Variants in C12orf42 observed in about 807,000 individuals in gnomAD.
C12orf42 encodes the protein chromosome 12 open reading frame 42.
A neutral mutation model predicts 21.6 loss-of-function variants in C12orf42; 25 were observed. The ratio of observed to expected loss-of-function variants is 1.16; its 90% CI spans 0.84 to 1.62. The LOEUF (loss-of-function observed/expected upper bound fraction) is 1.62, where lower values mean the gene tolerates loss of function less well. Ranked by LOEUF, C12orf42 falls within the 40% of genes most tolerant of loss-of-function variation. The pLI is 0.00. For missense variants in C12orf42, 483 were observed against 459.3 expected (o/e 1.05, Z -0.47); for synonymous variants, 174 against 175.0 (o/e 0.99, Z 0.05).
chr12:103,159,078 C>T, the C12orf42 span, among the ~76,000 whole-genome samples: 1 of 152,102 alleles, frequency 6.6e-6, no homozygotes, highest in African/African-American at 2.4e-5. Context: ...CTCGACAGAA[C>T]TTTTAAACCC....
In C12orf42 at chr12:103,270,872, C is replaced by T. The variant is rs191363686; in HGVS notation, n.399-1019G>A. Among the ~76,000 whole-genome samples, 38 of 151,034 alleles carry T rather than the reference C, an allele frequency of 2.5e-4. 1 individual carries two copies. The highest frequency in any genetic ancestry group is 8.2e-4 in the African/African-American group (34 of 41,390). ...ATTGATAAAGGAGTTGTAATCTGTT[C>T]TCTCTTTATCAAAATATAACATGAT... On this transcript the variant is annotated intron_variant and non_coding_transcript_variant, in intron 5 of 6. Transcript: ENST00000546526.
chr12:103,364,729 C>T (rs1019058528), intron 4 of C12orf42, among the ~76,000 whole-genome samples: 4 of 151,866 alleles, frequency 2.6e-5, no homozygotes, highest in Non-Finnish European at 4.4e-5. Context: ...AATAGAAAAC[C>T]TAAAGGAGAT....
At chr12:103,505,307 G>A in the C12orf42 span, 8 of 263,060 alleles carry the variant, frequency 3.0e-5, no homozygotes, top group African/African-American at 1.4e-4. Flanking sequence ...TGCACCCTCC[G>A]ACCCTTCCAT....
the C12orf42 span, among the ~76,000 whole-genome samples, chr12:103,528,247 T>C: frequency 5.1e-4 from 77 of 152,222 alleles, no homozygotes; most frequent in African/African-American, 1.7e-3. Flanking sequence ...AAGACATAGA[T>C]ATAAGAAAAA....
At chr12:103,120,873 T>C in the C12orf42 span, among the ~76,000 whole-genome samples, 2 of 151,806 alleles carry the variant, frequency 1.3e-5, no homozygotes, top group Non-Finnish European at 2.9e-5. Flanking sequence ...GAAGAGATAG[T>C]AGAATACTCA....
the C12orf42 span, among the ~76,000 whole-genome samples, chr12:103,527,494 T>C: frequency 4.9e-3 from 749 of 152,294 alleles, 5 homozygotes; most frequent in African/African-American, 0.016. Context: ...AGAAACCAAC[T>C]TGGAGTTTCC....
chr12:103,180,274 G>T, the C12orf42 span, among the ~76,000 whole-genome samples: 2 of 152,064 alleles, frequency 1.3e-5, no homozygotes, highest in Non-Finnish European at 2.9e-5. Context: ...ATTTCATGGC[G>T]AGGAGGGGAG....
At chr12:103,515,460 T>C in the C12orf42 span, among the ~76,000 whole-genome samples, 2 of 152,216 alleles carry the variant, frequency 1.3e-5, no homozygotes, top group African/African-American at 4.8e-5. Context: ...CAGATTTGCT[T>C]TGGGGAGGAA....
chr12:103,183,152 G>T, the C12orf42 span, among the ~76,000 whole-genome samples: 1 of 152,188 alleles, frequency 6.6e-6, no homozygotes, highest in Non-Finnish European at 1.5e-5. Context: ...CCCGTTCTCA[G>T]TTCACTGAAA....
At chr12:103,453,177 T>C (rs1952063020) in intron 2 of C12orf42, among the ~76,000 whole-genome samples, 1 of 151,570 alleles carries the variant, frequency 6.6e-6, no homozygotes, top group Non-Finnish European at 1.5e-5. Context: ...AATGGACTTA[T>C]TAAAGCATTA....
rs545508530 is a variant in C12orf42 at position 103,471,602 on chromosome 12, C to T, written c.78+6747G>A. Among the ~76,000 whole-genome samples, 4 of 152,298 alleles carry T rather than the reference C, an allele frequency of 2.6e-5. No homozygotes were observed. The South Asian group carries it at 8.3e-4, about 32-fold the overall frequency. ...GGTTTGGAGTTGTAAGGTAACACAG[C>T]CTCTAAATGGTACAGCCAGGATTTG... is the stretch of plus-strand genomic sequence containing the variant. On this transcript the variant is annotated intron_variant, in intron 2 of 5. Coordinates refer to ENST00000548883, the MANE Select transcript of C12orf42 (RefSeq NM_198521.5).
the C12orf42 span, among the ~76,000 whole-genome samples, chr12:103,232,324 C>A: frequency 6.6e-6 from 1 of 151,982 alleles, no homozygotes; most frequent in Admixed American, 6.6e-5. Context: ...TCCAGCTCAC[C>A]GACTCTTTCT....
chr12:103,185,738 C>T, the C12orf42 span, among the ~76,000 whole-genome samples: 6 of 152,114 alleles, frequency 3.9e-5, no homozygotes, highest in South Asian at 2.1e-4. Context: ...CTGATGGTTT[C>T]GTCAGGGGTT....
At chr12:103,216,138 TTCTC>T in the C12orf42 span, among the ~76,000 whole-genome samples, 2 of 152,158 alleles carry the variant, frequency 1.3e-5, no homozygotes, top group South Asian at 4.1e-4. Context: ...AAGATAAATT[TTCTC>T]TCTGTCTTTC....
chr12:103,153,457 T>A, the C12orf42 span, among the ~76,000 whole-genome samples: 2 of 152,122 alleles, frequency 1.3e-5, no homozygotes, highest in African/African-American at 2.4e-5. Flanking sequence ...TCTAAACTTA[T>A]AAAGAACCTC....
the C12orf42 span, among the ~76,000 whole-genome samples, chr12:103,199,580 C>T: frequency 1.3e-5 from 2 of 151,808 alleles, no homozygotes; most frequent in African/African-American, 2.4e-5. Flanking sequence ...GGGTTAATAC[C>T]CAAAATAGGT....
the C12orf42 span, among the ~76,000 whole-genome samples, chr12:103,062,124 C>G: frequency 1.3e-5 from 2 of 151,656 alleles, no homozygotes; most frequent in Non-Finnish European, 2.9e-5. Context: ...ATTCCATTAG[C>G]CAATCTCAGA....
intron 4 of C12orf42, among the ~76,000 whole-genome samples, chr12:103,324,465 T>C (rs1004707163): frequency 6.6e-6 from 1 of 152,128 alleles, no homozygotes; most frequent in Non-Finnish European, 1.5e-5. Context: ...GAAAGTATAG[T>C]TTTGTGAACT....
the C12orf42 span, among the ~76,000 whole-genome samples, chr12:103,094,029 G>A: frequency 6.6e-6 from 1 of 152,170 alleles, no homozygotes; most frequent in Non-Finnish European, 1.5e-5. Flanking sequence ...CTAGATATGA[G>A]AGGGATCTGC....
Sources: gnomAD v4.1 joint callset for allele counts (sites outside exome capture counted in the v4.1 genomes callset) on GRCh38, gnomAD v4.1.1 for gene constraint, MANE v1.5 for transcripts, NCBI Gene and HGNC (gene_info 2026-07-23, HGNC 2026-07-21) for gene names.